Variants in B3GNT2 observed in about 807,000 individuals in gnomAD.
The protein encoded by B3GNT2 is UDP-GlcNAc:betaGal beta-1,3-N-acetylglucosaminyltransferase 2.
B3GNT2 carries 12 observed loss-of-function variants against 27.6 expected under a neutral mutation model. That is an observed-to-expected ratio of 0.44 (90% confidence interval 0.28 to 0.71). B3GNT2 has a LOEUF of 0.71. B3GNT2 is among the 30% of genes least tolerant of loss of function. The pLI, the probability that B3GNT2 is intolerant of heterozygous loss-of-function variation, is 0.17. For missense variants in B3GNT2, 413 were observed against 488.5 expected, an observed-to-expected ratio of 0.85 and a Z score of 1.46; for synonymous variants, 192 against 189.7, an observed-to-expected ratio of 1.01 and a Z score of -0.10.
intron 1 of B3GNT2, among the ~76,000 whole-genome samples, chr2:62,200,107 T>G (rs1674237576): frequency 6.6e-6 from 1 of 152,244 alleles, no homozygotes; most frequent in Non-Finnish European, 1.5e-5. Context: ...TGTGTTGCCC[T>G]GTGAGTATTA....
At chr2:62,199,260 C>T (rs1324905756) in intron 1 of B3GNT2, among the ~76,000 whole-genome samples, 2 of 152,218 alleles carry the variant, frequency 1.3e-5, no homozygotes, top group African/African-American at 2.4e-5. Context: ...TGTTTTCTAG[C>T]AATGCTAGGG....
At chr2:62,218,796 C>G (rs911196846) in intron 1 of B3GNT2, among the ~76,000 whole-genome samples, 3 of 152,216 alleles carry the variant, frequency 2.0e-5, no homozygotes, top group African/African-American at 4.8e-5. Flanking sequence ...AAATGCCCTG[C>G]GGGCTGGAGG....
At chr2:62,209,946 G>A (rs563252495) in intron 1 of B3GNT2, among the ~76,000 whole-genome samples, 1 of 152,268 alleles carries the variant, frequency 6.6e-6, no homozygotes, top group African/African-American at 2.4e-5. Flanking sequence ...ATATCTGCAG[G>A]GGATTCTGCC....
At chr2:62,215,092 CG>C (rs35876331) in intron 1 of B3GNT2, among the ~76,000 whole-genome samples, 3 of 152,070 alleles carry the variant, frequency 2.0e-5, no homozygotes, top group Non-Finnish European at 4.4e-5. Flanking sequence ...ACTGGGCTTT[CG>C]GGGGGTTGTA....
chr2:62,210,564 T>A lies in B3GNT2; in HGVS notation c.-9-11648T>A, dbSNP rs150520602. Among the ~76,000 whole-genome samples, 216 of 151,886 alleles carry A rather than the reference T, an allele frequency of 1.4e-3. 2 individuals are homozygous for A. Among genetic ancestry groups the A allele is most frequent in the African/African-American group, 5.0e-3 (206 of 41,406 alleles). On this transcript the variant is annotated intron_variant, in intron 1 of 1. Transcript: ENST00000301998. The stretch of plus-strand genomic sequence containing the variant: ...TGGGCAGATCACTTGAGGTCAGGAG[T>A]TCGAGACCATCCTGGCTAATATAGC...
Position 62,223,429 on chromosome 2 carries a change from C to A in B3GNT2, c.*15C>A. The A allele has an allele frequency of 6.4e-7, 1 of 1,567,562 alleles. No homozygotes were observed. Among genetic ancestry groups the A allele is most frequent in the South Asian group, 1.2e-5 (1 of 86,674 alleles). On this transcript the variant is annotated 3_prime_UTR_variant, in exon 2 of 2. Transcript: ENST00000301998. ...TAAAATGCTAAAATAGATACAAACTCAATTTTGCATAGAAAGGTGTATTTT... is the reference window on the plus strand; with the variant it reads ...TAAAATGCTAAAATAGATACAAACTAAATTTTGCATAGAAAGGTGTATTTT...
Position 62,208,262 on chromosome 2 carries a change from C to G in B3GNT2, c.-10+11907C>G, listed in dbSNP as rs145516134. Among the ~76,000 whole-genome samples the G allele has an allele frequency of 9.1e-4, 128 of 140,734 alleles. 1 individual carries two copies. Among genetic ancestry groups the G allele is most frequent in the African/African-American group, 3.2e-3 (123 of 38,448 alleles). The allele number at this position is 140,734 out of a possible 152,430, so 92.3% of individuals were successfully genotyped here. ...CCCCCAATCTCTACACCAAGACTGC[C>G]AAGACTGGGCTGATGGCCTACTTAT... On this transcript the variant is annotated intron_variant, in intron 1 of 1. Transcript: ENST00000301998.
intron 1 of B3GNT2, among the ~76,000 whole-genome samples, chr2:62,211,404 A>T (rs920357755): frequency 4.6e-5 from 7 of 151,206 alleles, no homozygotes; most frequent in African/African-American, 1.7e-4. Flanking sequence ...ATTTACCTAT[A>T]TTCTGGCAGG....
rs145671667 is a variant in B3GNT2, at chr2:62,204,285, C to T, written c.-10+7930C>T. On this transcript the variant is annotated intron_variant, in intron 1 of 1. Transcript: ENST00000301998. ...AGGTGATCCACCTGCCTTGGCCTCC[C>T]AAAGTGCCTGGTAGAAATTTTTCTA... is the stretch of plus-strand genomic sequence containing the variant. Among the ~76,000 whole-genome samples the T allele has an allele frequency of 3.4e-3, 437 of 129,910 alleles. 5 individuals carry two copies. Among genetic ancestry groups the T allele is most frequent in the African/African-American group, 0.012 (415 of 35,326 alleles). 85.2% of individuals were successfully genotyped at this position (129,910 alleles called of 152,430 possible).
At chr2:62,210,643 G>A (rs139540979) in intron 1 of B3GNT2, among the ~76,000 whole-genome samples, 1,524 of 151,974 alleles carry the variant, frequency 0.01, 27 homozygotes, top group African/African-American at 0.036. Flanking sequence ...GGTGGTGGGC[G>A]CCTACAGTCC....
In B3GNT2 at chr2:62,222,960, A is replaced by G; in HGVS notation, c.740A>G (p.Asp247Gly). 2 of 1,614,180 alleles carry G rather than the reference A, an allele frequency of 1.2e-6. No homozygotes were observed. Among genetic ancestry groups the G allele is most frequent in the Non-Finnish European group, 1.7e-6 (2 of 1,180,014 alleles). Residue 247 changes from aspartate to glycine, a missense_variant, in exon 2 of 2, where the codon GAT becomes GGT. Physicochemically the swap from Asp to Gly is moderately conservative, Grantham distance 94 (BLOSUM62 -1). Transcript: ENST00000301998. The surrounding 1 kb of genome is among the most constrained non-coding windows in gnomAD (Gnocchi z 4.2). ...DTEFVFKGDD[D>G]VFVNTHHILN... is the part of the protein sequence containing the mutation. Reference sequence around the variant, plus strand: ...GAGTTTGTTTTCAAGGGCGATGACGATGTTTTTGTGAACACCCATCACATC... The same window carrying G: ...GAGTTTGTTTTCAAGGGCGATGACGGTGTTTTTGTGAACACCCATCACATC...
chr2:62,196,779 G>A (rs1674151825), intron 1 of B3GNT2, among the ~76,000 whole-genome samples: 2 of 152,116 alleles, frequency 1.3e-5, no homozygotes, highest in African/African-American at 4.8e-5. Context: ...ATCTGGGGCC[G>A]GGCCTCCTCA....
intron 1 of B3GNT2, among the ~76,000 whole-genome samples, chr2:62,197,149 C>T (rs1283745366): frequency 6.6e-6 from 1 of 152,032 alleles, no homozygotes; most frequent in African/African-American, 2.4e-5. Flanking sequence ...CGCCTGAAGC[C>T]GGACTCTACG....
intron 1 of B3GNT2, among the ~76,000 whole-genome samples, chr2:62,196,846 C>T (rs763494688): frequency 1.1e-4 from 17 of 152,052 alleles, no homozygotes; most frequent in African/African-American, 4.1e-4. Context: ...CGCTCGCACC[C>T]CCGCACCCCA....
chr2:62,198,941 T>C (rs1674209203), intron 1 of B3GNT2, among the ~76,000 whole-genome samples: 1 of 152,148 alleles, frequency 6.6e-6, no homozygotes, highest in Non-Finnish European at 1.5e-5. Flanking sequence ...GCTTTAAATG[T>C]TTTTTTCTTT....
At chr2:62,219,840 G>A (rs977447272) in intron 1 of B3GNT2, among the ~76,000 whole-genome samples, 1 of 152,232 alleles carries the variant, frequency 6.6e-6, no homozygotes, top group Non-Finnish European at 1.5e-5. Flanking sequence ...CAGGGGACCA[G>A]GGAGTGGGTG....
chr2:62,213,923 G>A (rs531388941), intron 1 of B3GNT2, among the ~76,000 whole-genome samples: 60 of 152,274 alleles, frequency 3.9e-4, no homozygotes, highest in African/African-American at 1.3e-3. Flanking sequence ...AGCAAATGCT[G>A]GGTAAGTCTC....
chr2:62,210,157 C>T (rs1014467670), intron 1 of B3GNT2, among the ~76,000 whole-genome samples: 3 of 152,074 alleles, frequency 2.0e-5, no homozygotes, highest in Non-Finnish European at 4.4e-5. Flanking sequence ...ATTTTGGTAC[C>T]TTAATTTTTT....
At chr2:62,211,565 G>A (rs1450341805) in intron 1 of B3GNT2, among the ~76,000 whole-genome samples, 1 of 152,152 alleles carries the variant, frequency 6.6e-6, no homozygotes, top group Non-Finnish European at 1.5e-5. Flanking sequence ...CTTATTTCAT[G>A]TTCCTATGTG....
Sources: gnomAD v4.1 joint callset for allele counts (sites outside exome capture counted in the v4.1 genomes callset) on GRCh38, gnomAD v4.1.1 for gene constraint, Gnocchi (gnomAD v3.1) non-coding constraint, MANE v1.5 for transcripts, NCBI Gene and HGNC (gene_info 2026-07-23, HGNC 2026-07-21) for gene names.